The following DIS3L2 variants were observed in gnomAD, a reference collection of about 807,000 sequenced individuals.
The protein encoded by DIS3L2 is DIS3-like exonuclease 2.
DIS3L2 carries 34 observed loss-of-function variants against 97.5 expected under a neutral mutation model. The observed-to-expected ratio is 0.35, with a 90% confidence interval of 0.27 to 0.46. The LOEUF (loss-of-function observed/expected upper bound fraction) is 0.46, where lower values mean the gene tolerates loss of function less well. Ranked by LOEUF, DIS3L2 falls within the 20% of genes least tolerant of loss-of-function variation. The pLI is 1.00. For missense variants in DIS3L2, 1,038 were observed against 1,146.0 expected (o/e 0.91, Z 1.36); for synonymous variants, 435 against 445.2 (o/e 0.98, Z 0.29).
intron 9 of DIS3L2, among the ~76,000 whole-genome samples, chr2:232,176,693 A>T (rs1691167588): frequency 6.6e-6 from 1 of 151,482 alleles, no homozygotes; most frequent in Admixed American, 6.6e-5. Flanking sequence ...GGCTCAAGTA[A>T]TCCTCTTACC....
chr2:232,030,797 A>G (rs1293356083), intron 5 of DIS3L2, among the ~76,000 whole-genome samples: 1 of 152,056 alleles, frequency 6.6e-6, no homozygotes, highest in African/African-American at 2.4e-5. Flanking sequence ...CATTTGTTTT[A>G]TTTGGCTTTT....
At chr2:232,108,772 C>G (rs183158861) in intron 6 of DIS3L2, among the ~76,000 whole-genome samples, 1 of 152,276 alleles carries the variant, frequency 6.6e-6, no homozygotes, top group East Asian at 1.9e-4. Context: ...AACAGGCAAG[C>G]TGAGAGCCAA....
At chr2:232,050,774 A>G (rs763881623) in intron 5 of DIS3L2, among the ~76,000 whole-genome samples, 1 of 152,232 alleles carries the variant, frequency 6.6e-6, no homozygotes, top group Non-Finnish European at 1.5e-5. Flanking sequence ...AGATACAAAG[A>G]TGAACACACT....
chr2:232,330,899 C>T (rs1414278653), intron 16 of DIS3L2, 123 bp downstream of exon 16: 26 of 1,011,518 alleles, frequency 2.6e-5, no homozygotes, highest in Middle Eastern at 4.5e-4. Context: ...GCTGGGTGGA[C>T]GGGGGCTGCT....
At chr2:232,231,742 G>A (rs890816332) in intron 10 of DIS3L2, among the ~76,000 whole-genome samples, 11 of 152,246 alleles carry the variant, frequency 7.2e-5, no homozygotes, top group Admixed American at 2.6e-4. Context: ...GAGCAGCAGG[G>A]CGCCTGCCCT....
At chr2:232,116,949 A>G (rs552491246) in intron 6 of DIS3L2, among the ~76,000 whole-genome samples, 2 of 152,314 alleles carry the variant, frequency 1.3e-5, no homozygotes, top group East Asian at 3.9e-4. Context: ...GCTTTTGTCT[A>G]GTCCCTTGAA....
At chr2:232,225,926 G>C (rs115641211) in intron 10 of DIS3L2, among the ~76,000 whole-genome samples, 2,139 of 152,276 alleles carry the variant, frequency 0.014, 50 homozygotes, top group African/African-American at 0.044. Flanking sequence ...AACCATAAAA[G>C]AGCACTTTGT....
intron 6 of DIS3L2, among the ~76,000 whole-genome samples, chr2:232,118,955 T>C (rs763061453): frequency 1.3e-5 from 2 of 152,240 alleles, no homozygotes; most frequent in African/African-American, 2.4e-5. Context: ...CTTTAATCTA[T>C]CTAGCTTCTT....
At chr2:232,147,960 T>C (rs1454482017) in intron 8 of DIS3L2, among the ~76,000 whole-genome samples, 915 of 68,064 alleles carry the variant, frequency 0.013, no homozygotes, top group South Asian at 0.017. Flanking sequence ...CCCCTCCCTT[T>C]CCTCCCCTCC....
chr2:232,329,785 T>TCCCCGGGGGGCCCCCCCCCCC, intron 14 of DIS3L2, 28 bp from the exon 15 acceptor site: 1 of 967,144 alleles, frequency 1.0e-6, no homozygotes, highest in Non-Finnish European at 1.5e-6. Context: ...ACCCCAGCGG[T>TCCCCGGGGGGCCCCCCCCCCC]CCCTCCCATC....
intron 5 of DIS3L2, among the ~76,000 whole-genome samples, chr2:232,076,694 C>A (rs1488556387): frequency 6.6e-6 from 1 of 151,938 alleles, no homozygotes; most frequent in African/African-American, 2.4e-5. Context: ...TTTAAAATTT[C>A]TTTTATTATA....
chr2:232,298,826 GCT>G (rs1694785401), intron 13 of DIS3L2, among the ~76,000 whole-genome samples: 1 of 152,198 alleles, frequency 6.6e-6, no homozygotes, highest in Admixed American at 6.5e-5. Flanking sequence ...TAACCAACTG[GCT>G]CTAGCAGGGC....
chr2:231,982,855 T>G (rs1413341642), intron 1 of DIS3L2, among the ~76,000 whole-genome samples: 3 of 152,062 alleles, frequency 2.0e-5, no homozygotes, highest in Non-Finnish European at 4.4e-5. Flanking sequence ...AATTTTTGTA[T>G]TTTTAGTAGA....
At position 232,244,613 on chromosome 2, in the gene DIS3L2, A is replaced by G. The variant is rs553823810; in HGVS notation, c.1318-4626A>G. Among the ~76,000 whole-genome samples, 12 of 152,322 alleles carry G rather than the reference A, an allele frequency of 7.9e-5. 2 individuals carry two copies. The highest frequency in any genetic ancestry group is 2.9e-4 in the African/African-American group (12 of 41,576). ...ACTCGTTGTGAGATGGCAGGAGACG[A>G]GGGCACACATGTAAAGTGAGTGGGC... On this transcript the variant is annotated intron_variant, in intron 11 of 20. Transcript: ENST00000325385.
At chr2:232,217,302 A>C (rs1196203906) in intron 10 of DIS3L2, among the ~76,000 whole-genome samples, 1 of 152,148 alleles carries the variant, frequency 6.6e-6, no homozygotes, top group African/African-American at 2.4e-5. Context: ...AGTGGGAAAA[A>C]ACAACACAGA....
At chr2:232,200,007 C>A (rs1691847981) in intron 9 of DIS3L2, among the ~76,000 whole-genome samples, 1 of 152,038 alleles carries the variant, frequency 6.6e-6, no homozygotes, top group Non-Finnish European at 1.5e-5. Flanking sequence ...AACTATATAC[C>A]CATAGTGAGT....
At chr2:232,094,377 T>C (rs1696936061) in intron 6 of DIS3L2, among the ~76,000 whole-genome samples, 1 of 152,132 alleles carries the variant, frequency 6.6e-6, no homozygotes. Context: ...TCTTTGTTGA[T>C]TTTCTGTCTG....
At chr2:232,100,804 G>GGTGTGTGTGTGTGTGT (rs61079731) in intron 6 of DIS3L2, among the ~76,000 whole-genome samples, 7 of 147,630 alleles carry the variant, frequency 4.7e-5, no homozygotes, top group Non-Finnish European at 1.0e-4. Context: ...TTGAAAGAAA[G>GGTGTGTGTGTGTGTGT]GTGTGTGTGT....
At chr2:232,033,188 C>A (rs1159102996) in intron 5 of DIS3L2, among the ~76,000 whole-genome samples, 2 of 152,060 alleles carry the variant, frequency 1.3e-5, no homozygotes, top group African/African-American at 4.8e-5. Flanking sequence ...TTGAAGAGGT[C>A]CTTCAGATCC....
Sources: gnomAD v4.1 joint callset for allele counts (sites outside exome capture counted in the v4.1 genomes callset) on GRCh38, gnomAD v4.1.1 for gene constraint, MANE v1.5 for transcripts, NCBI Gene and HGNC (gene_info 2026-07-23, HGNC 2026-07-21) for gene names.